RASGRF1: variants seen among roughly 807,000 people sequenced by gnomAD.
RASGRF1 encodes the protein Ras protein specific guanine nucleotide releasing factor 1.
Under a neutral mutation model 138.7 loss-of-function variants are expected in RASGRF1, and 40 were observed. The observed-to-expected ratio is 0.29, with a 90% CI of 0.22 to 0.38. The LOEUF (loss-of-function observed/expected upper bound fraction) is 0.38. Ranked by LOEUF, RASGRF1 falls within the 10% of genes least tolerant of loss-of-function variation. The probability of loss-of-function intolerance (pLI) is 1.00; values close to 1 mark genes in which losing one functional copy is unlikely to be tolerated. For missense variants in RASGRF1, 1,108 were observed against 1,650.4 expected (o/e 0.67, Z 5.69); for synonymous variants, 614 against 663.2 (o/e 0.93, Z 1.14).
Position 79,090,673 on chromosome 15 carries a change from A to T in RASGRF1, c.-175T>A, listed in dbSNP as rs2058044777. 2 of 864,428 alleles carry T rather than the reference A, an allele frequency of 2.3e-6. No homozygotes were observed. Among genetic ancestry groups the T allele is most frequent in the Non-Finnish European group, 1.7e-6 (1 of 576,930 alleles). The allele number at this position is 864,428 out of a possible 1,614,324, so 53.5% of individuals were successfully genotyped here. Reference sequence around the variant, plus strand: ...TCTGGCGCCGAGCCGCGGCTTCTTGAATCCAGATATACCATTCCCCGCTGG... The same window carrying T: ...TCTGGCGCCGAGCCGCGGCTTCTTGTATCCAGATATACCATTCCCCGCTGG... On this transcript the variant is annotated 5_prime_UTR_variant, in exon 1 of 27. Transcript: ENST00000558480.
chr15:79,014,275 G>A (rs573205569), intron 13 of RASGRF1, among the ~76,000 whole-genome samples: 6 of 152,236 alleles, frequency 3.9e-5, no homozygotes, highest in South Asian at 4.1e-4. Flanking sequence ...AAGTCATTAC[G>A]CAAAAAAGAT....
In RASGRF1 at chr15:79,090,620, C is replaced by T. The variant is rs1363658376; in HGVS notation, c.-122G>A. 8 of 1,364,300 alleles carry T rather than the reference C, an allele frequency of 5.9e-6. No homozygotes were observed. Among genetic ancestry groups the T allele is most frequent in the Non-Finnish European group, 8.0e-6 (8 of 1,001,988 alleles). 84.5% of individuals were successfully genotyped at this position (1,364,300 alleles called of 1,614,324 possible). On this transcript the variant is annotated 5_prime_UTR_variant, in exon 1 of 27. Transcript: ENST00000558480. ...GCTCGCTCGCTCCCTCTAGCTCTCC[C>T]CTCCCCCCAAATATCTACACTCCAG... is the stretch of plus-strand genomic sequence containing the variant.
At chr15:79,023,175 G>C (rs528821815) in intron 10 of RASGRF1, among the ~76,000 whole-genome samples, 58 of 149,800 alleles carry the variant, frequency 3.9e-4, no homozygotes, top group Non-Finnish European at 7.9e-4. Flanking sequence ...CTCCGTCTTG[G>C]GGAAAAAAAA....
At chr15:78,979,151 C>G in intron 24 of RASGRF1, 1 of 1,289,328 alleles carries the variant, frequency 7.8e-7, no homozygotes, top group Non-Finnish European at 1.0e-6. Context: ...CAGGGGCTCT[C>G]GGGAGCCCAG....
At chr15:78,993,992 A>G (rs1309822583) in intron 20 of RASGRF1, among the ~76,000 whole-genome samples, 1 of 152,166 alleles carries the variant, frequency 6.6e-6, no homozygotes, top group African/African-American at 2.4e-5. Flanking sequence ...TCTGCCCCAC[A>G]CAGGCTCTGG....
chr15:79,029,676 C>G (rs2057110017), intron 8 of RASGRF1, among the ~76,000 whole-genome samples: 1 of 151,912 alleles, frequency 6.6e-6, no homozygotes, highest in Non-Finnish European at 1.5e-5. Flanking sequence ...TGAGCGCAGC[C>G]TAGGAGGGGT....
At chr15:78,977,382 A>G (rs572708599) in intron 24 of RASGRF1, among the ~76,000 whole-genome samples, 5 of 151,864 alleles carry the variant, frequency 3.3e-5, no homozygotes, top group Admixed American at 2.0e-4. Flanking sequence ...CCAGGGTCCA[A>G]GGTTCTGGCA....
intron 1 of RASGRF1, among the ~76,000 whole-genome samples, chr15:79,066,468 A>G (rs1304749455): frequency 6.6e-6 from 1 of 152,256 alleles, no homozygotes; most frequent in African/African-American, 2.4e-5. Flanking sequence ...AGCTACATAC[A>G]GGCACAGTGG....
At chr15:79,035,326 C>T (rs1444970713) in intron 5 of RASGRF1, 116 bp from the exon 6 acceptor site, 3 of 778,944 alleles carry the variant, frequency 3.9e-6, no homozygotes, top group Non-Finnish European at 6.2e-6. Flanking sequence ...CATGTGAGAC[C>T]TTAACGTGAA....
At chr15:78,993,790 T>C (rs1052095989) in intron 20 of RASGRF1, among the ~76,000 whole-genome samples, 4 of 152,034 alleles carry the variant, frequency 2.6e-5, no homozygotes, top group Admixed American at 2.0e-4. Context: ...AGGCCTGCAC[T>C]GGTACCAGAG....
intron 21 of RASGRF1, 46 bp downstream of exon 21, chr15:78,991,645 G>C (rs984190824): frequency 6.7e-7 from 1 of 1,483,942 alleles, no homozygotes; most frequent in Non-Finnish European, 9.4e-7. Context: ...GTCCAAGACA[G>C]TGCCTGAGGA....
chr15:79,026,396 C>T (rs894202477), intron 9 of RASGRF1, among the ~76,000 whole-genome samples: 3 of 152,232 alleles, frequency 2.0e-5, no homozygotes, highest in African/African-American at 7.2e-5. Context: ...CTTGGTCCTG[C>T]TCCAGGCCAC....
intron 24 of RASGRF1, among the ~76,000 whole-genome samples, chr15:78,975,864 G>A (rs1035706370): frequency 6.6e-6 from 1 of 152,140 alleles, no homozygotes; most frequent in Non-Finnish European, 1.5e-5. Context: ...TGAAGCCCAG[G>A]CTTATGAGTC....
chr15:79,005,091 G>A, intron 14 of RASGRF1: 4 of 985,390 alleles, frequency 4.1e-6, no homozygotes, highest in Non-Finnish European at 4.8e-6. Flanking sequence ...ATCCTGGATG[G>A]GATGTTTGCT....
At chr15:78,967,230 G>C (rs950859486) in intron 26 of RASGRF1, among the ~76,000 whole-genome samples, 1 of 151,986 alleles carries the variant, frequency 6.6e-6, no homozygotes, top group Non-Finnish European at 1.5e-5. Context: ...GTGACAGAGT[G>C]AGACCCTGCC....
At chr15:78,997,011 C>A (rs963590278) in intron 19 of RASGRF1, among the ~76,000 whole-genome samples, 1 of 152,192 alleles carries the variant, frequency 6.6e-6, no homozygotes, top group Non-Finnish European at 1.5e-5. Context: ...CAGGCTGAGT[C>A]GGTAGGTGCC....
At chr15:79,059,691 C>A (rs540523165) in intron 2 of RASGRF1, among the ~76,000 whole-genome samples, 7 of 152,096 alleles carry the variant, frequency 4.6e-5, no homozygotes, top group Non-Finnish European at 2.9e-5. Context: ...TCCCCTGAAA[C>A]GTACACTGTA....
chr15:79,023,783 G>T (rs2057000702), intron 10 of RASGRF1, among the ~76,000 whole-genome samples: 2 of 152,104 alleles, frequency 1.3e-5, no homozygotes, highest in Admixed American at 1.3e-4. Context: ...TGGAGGAGGG[G>T]ACACCTGAGA....
chr15:79,027,982 C>T lies in RASGRF1; in HGVS notation c.1263-123G>A. The T allele has an allele frequency of 1.0e-6, 1 of 1,000,514 alleles. No individual in the cohort carries two copies. Among genetic ancestry groups the T allele is most frequent in the Admixed American group, 1.8e-5 (1 of 54,512 alleles). 62.0% of individuals were successfully genotyped at this position (1,000,514 alleles called of 1,614,324 possible). A position where few individuals can be genotyped will look rare whatever the true frequency, so the allele number is the denominator to read the frequency against. ...TGGCACAAGGATTCTCAGGTGGAGT[C>T]TGTGGTCATGGAGGGGAAGGGAGTG... On this transcript the variant is annotated intron_variant, in intron 8 of 26. Coordinates refer to ENST00000558480, the MANE Select transcript of RASGRF1 (RefSeq NM_001145648.3). This position sits in a 1 kb window ranked among gnomAD's most constrained non-coding sequence, Gnocchi z 4.8.
Sources: allele counts gnomAD v4.1 joint callset (sites outside exome capture counted in the v4.1 genomes callset), GRCh38; gene constraint gnomAD v4.1.1; non-coding constraint Gnocchi (gnomAD v3.1); transcripts MANE v1.5; gene names NCBI Gene and HGNC (gene_info 2026-07-23, HGNC 2026-07-21).